Variants in SORT1 observed in about 807,000 individuals in gnomAD.
SORT1 encodes sortilin 1, also known as sortilin.
In SORT1, 39 loss-of-function variants were observed where a neutral mutation model predicts 101.7. The ratio of observed to expected loss-of-function variants is 0.38; its 90% CI spans 0.30 to 0.50. SORT1 has a LOEUF of 0.50. Ranked by LOEUF, SORT1 falls within the 20% of genes least tolerant of loss-of-function variation. The pLI, the probability that SORT1 is intolerant of heterozygous loss-of-function variation, is 0.90. For synonymous variants in SORT1, 396 were observed against 393.7 expected (o/e 1.01, Z -0.07); for missense variants, 878 against 1,040.4 (o/e 0.84, Z 2.15).
intron 11 of SORT1, among the ~76,000 whole-genome samples, chr1:109,332,380 CA>C (rs1648521043): frequency 6.6e-6 from 1 of 152,188 alleles, no homozygotes; most frequent in Middle Eastern, 3.4e-3. Flanking sequence ...GCCAGGAGTT[CA>C]AGACTAGCTT....
At position 109,313,852 on chromosome 1, in the gene SORT1, A is replaced by C. The variant is rs1658864899; in HGVS notation, c.*191T>G. 7.0e-6 allele frequency: 4 copies of C among 568,568 alleles called. No homozygotes were observed. Among genetic ancestry groups the C allele is most frequent in the Non-Finnish European group, 1.2e-5 (4 of 321,488 alleles). The allele number at this position is 568,568 out of a possible 1,614,324, so 35.2% of individuals were successfully genotyped here. A position where few individuals can be genotyped will look rare whatever the true frequency, so the allele number is the denominator to read the frequency against. Reference sequence around the variant, plus strand: ...TCCCTTTTTCTCAGAGCCAATTGTAAAAAAGTGCTCAGGGTTCCCCACCCC... The same window carrying C: ...TCCCTTTTTCTCAGAGCCAATTGTACAAAAGTGCTCAGGGTTCCCCACCCC... On this transcript the variant is annotated 3_prime_UTR_variant, in exon 20 of 20. Transcript: ENST00000256637.
At position 109,345,867 on chromosome 1, in the gene SORT1, C is replaced by A; in HGVS notation, c.847G>T (p.Ala283Ser). The change falls in exon 8 of 20, where the codon GCT becomes TCT. Residue 283 changes from alanine to serine, a missense_variant. Transcript: ENST00000256637. ...TCTGAAGTTCTCCATAATTCCAGAG[C>A]CCCAAGGTCAGCTTCTTAAACAAGA... is the stretch of plus-strand genomic sequence containing the variant. ...ANGSCKADLG[A>S]LELWRTSDLG... The A allele has an allele frequency of 6.2e-7, 1 of 1,612,532 alleles. No homozygotes were observed. The highest frequency in any genetic ancestry group is 8.5e-7 in the Non-Finnish European group (1 of 1,179,142).
At position 109,314,277 on chromosome 1, in the gene SORT1, T is replaced by C. The variant is rs1429100107; in HGVS notation, c.2465A>G (p.His822Arg). The C allele has an allele frequency of 9.9e-6, 16 of 1,613,580 alleles. No homozygotes were observed. Among genetic ancestry groups the C allele is most frequent in the South Asian group, 1.1e-5 (1 of 91,068 alleles). ...TASHTNKSGY[H>R]DDSDEDLLE ...TAGCCTCACCTCATCTGAGTCATCA[T>C]GATAACCACTTTTATTAGTGTGGGA... The change falls in exon 19 of 20, where the codon CAT becomes CGT. Residue 822 changes from histidine to arginine, a missense_variant. Around this residue, in one of 2 missense-constraint regions of SORT1, gnomAD observed 684 missense variants for 894.5 expected, o/e 0.76. Transcript: ENST00000256637.
chr1:109,328,793 T>C (rs746058563), intron 11 of SORT1, among the ~76,000 whole-genome samples: 2 of 152,130 alleles, frequency 1.3e-5, no homozygotes, highest in Non-Finnish European at 2.9e-5. Flanking sequence ...GTGATGGTGG[T>C]TCGAAATAAG....
chr1:109,330,123 C>A (rs1648362354), intron 11 of SORT1, among the ~76,000 whole-genome samples: 2 of 152,130 alleles, frequency 1.3e-5, no homozygotes, highest in South Asian at 4.1e-4. Context: ...GCCTCAGCCT[C>A]CTGAGTAGCT....
rs770925373 is a variant in SORT1 at position 109,340,774 on chromosome 1, G to C, written c.1214C>G (p.Thr405Ser). Reference protein sequence around the residue: ...YTTTGGETDFTNVTSLRGVYI... With the variant: ...YTTTGGETDFSNVTSLRGVYI... ...GACGCCGCGGAGGGAGGTCACGTTG[G>C]TAAAGTCCGTCTCTCCGCCTGTGGT... The change falls in exon 10 of 20, where the codon ACC (threonine) becomes AGC (serine). Residue 405 changes from threonine to serine, a missense_variant. By Grantham distance (58) the Thr-to-Ser change is moderately conservative. This residue lies in a region of SORT1 where 684 missense variants were observed against 894.5 expected (regional missense o/e 0.76). Coordinates refer to ENST00000256637, the MANE Select transcript of SORT1 (RefSeq NM_002959.7). The C allele has an allele frequency of 2.5e-6, 4 of 1,614,030 alleles. No homozygotes were observed. Among genetic ancestry groups the C allele is most frequent in the Non-Finnish European group, 3.4e-6 (4 of 1,180,018 alleles).
intron 1 of SORT1, among the ~76,000 whole-genome samples, chr1:109,376,881 G>C (rs958492306): frequency 3.9e-5 from 6 of 152,098 alleles, no homozygotes; most frequent in Non-Finnish European, 7.3e-5. Context: ...TCTAAAAGTT[G>C]AAAAATGCAA....
chr1:109,386,342 A>G (rs1466479516), intron 1 of SORT1, among the ~76,000 whole-genome samples: 1 of 152,242 alleles, frequency 6.6e-6, no homozygotes, highest in Non-Finnish European at 1.5e-5. Context: ...AACACAAGAC[A>G]GAAGTGTTGT....
At position 109,372,815 on chromosome 1, in the gene SORT1, C is replaced by T. The variant is rs544693136; in HGVS notation, c.307-3226G>A. Among the ~76,000 whole-genome samples the T allele has an allele frequency of 5.3e-5, 8 of 150,866 alleles. No homozygotes were observed. The East Asian group carries it at 1.4e-3, about 26-fold the overall frequency. Reference sequence around the variant, plus strand: ...TCCGGAGGCTGAGGCAGGAGAATGGCGTGAACCTGGGAGGCGGAGCTTGCA... The same window carrying T: ...TCCGGAGGCTGAGGCAGGAGAATGGTGTGAACCTGGGAGGCGGAGCTTGCA... On this transcript the variant is annotated intron_variant, in intron 1 of 19. Transcript: ENST00000256637.
At chr1:109,384,123 TCC>T (rs1652419224) in intron 1 of SORT1, among the ~76,000 whole-genome samples, 1 of 152,168 alleles carries the variant, frequency 6.6e-6, no homozygotes. Context: ...CGAGATCAGC[TCC>T]CTGCTCCACA....
chr1:109,326,054 C>CTTTT (rs541173445), intron 13 of SORT1, among the ~76,000 whole-genome samples: 2 of 134,666 alleles, frequency 1.5e-5, no homozygotes, highest in African/African-American at 5.4e-5. Flanking sequence ...ACTTATACTT[C>CTTTT]TTTTTTTTTT....
At chr1:109,340,161 A>AAAAG (rs1557794485) in intron 10 of SORT1, among the ~76,000 whole-genome samples, 2 of 151,532 alleles carry the variant, frequency 1.3e-5, no homozygotes, top group Admixed American at 6.6e-5. Flanking sequence ...AAAAAAAAAA[A>AAAAG]AAAGAAAGAA....
chr1:109,320,041 T>C (rs945372361), intron 15 of SORT1, among the ~76,000 whole-genome samples: 5 of 152,030 alleles, frequency 3.3e-5, no homozygotes, highest in Non-Finnish European at 7.4e-5. Flanking sequence ...GCTGCACTCA[T>C]CTGTTTCTCT....
At chr1:109,380,982 T>C (rs186406164) in intron 1 of SORT1, among the ~76,000 whole-genome samples, 1 of 152,098 alleles carries the variant, frequency 6.6e-6, no homozygotes. Context: ...CCTTTCAGAC[T>C]GGCAAAGATT....
At chr1:109,382,592 A>G (rs1652310941) in intron 1 of SORT1, among the ~76,000 whole-genome samples, 1 of 152,174 alleles carries the variant, frequency 6.6e-6, no homozygotes. Context: ...TGATAACACT[A>G]AACTTCCTTT....
At chr1:109,323,734 G>C (rs975970931) in intron 14 of SORT1, among the ~76,000 whole-genome samples, 1 of 152,310 alleles carries the variant, frequency 6.6e-6, no homozygotes, top group East Asian at 1.9e-4. Flanking sequence ...AAAGACAGTG[G>C]ATTAGGTTTT....
At chr1:109,345,992 G>T in intron 7 of SORT1, 111 bp from the exon 8 acceptor site, 2 of 895,458 alleles carry the variant, frequency 2.2e-6, no homozygotes, top group Non-Finnish European at 1.7e-6. Context: ...TAAATACTAT[G>T]CATGTTAATC....
At chr1:109,325,253 T>A (rs986688696) in intron 13 of SORT1, among the ~76,000 whole-genome samples, 164 bp from the exon 14 acceptor site, 11 of 148,470 alleles carry the variant, frequency 7.4e-5, no homozygotes, top group African/African-American at 2.0e-4. Flanking sequence ...TTTTTTTTTT[T>A]TCTGAGATGG....
intron 9 of SORT1, 23 bp from the exon 10 acceptor site, chr1:109,340,902 A>AATACTAAGTCTTGGGTGG: frequency 6.3e-7 from 1 of 1,594,540 alleles, no homozygotes. Context: ...AACAAACAAA[A>AATACTAAGTCTTGGGTGG]ATACTAAGTC....
Sources: gnomAD v4.1 joint callset for allele counts (sites outside exome capture counted in the v4.1 genomes callset) on GRCh38, gnomAD v4.1.1 for gene constraint, gnomAD v4.1.1 regional missense constraint, MANE v1.5 for transcripts, NCBI Gene and HGNC (gene_info 2026-07-23, HGNC 2026-07-21) for gene names.